The following TRIM23 variants were observed in gnomAD, a reference collection of about 807,000 sequenced individuals.
TRIM23 encodes the protein tripartite motif containing 23.
A neutral mutation model predicts 71.0 loss-of-function variants in TRIM23; 27 were observed. That is an observed-to-expected ratio of 0.38 (90% CI 0.28 to 0.52). The LOEUF (loss-of-function observed/expected upper bound fraction) is 0.52, where lower values mean the gene tolerates loss of function less well. TRIM23 is among the 20% of genes least tolerant of loss of function. TRIM23 has a pLI of 0.84. For synonymous variants in TRIM23, 234 were observed against 238.0 expected (o/e 0.98, Z 0.16); for missense variants, 482 against 692.3 (o/e 0.70, Z 3.41).
rs1754633549 is a variant in TRIM23 at position 65,610,923 on chromosome 5, G to C, written c.766C>G (p.Gln256Glu). ...ATTTGTTCTCCTCCTTCAATGTGCT[G>C]CACAATTCCAACTAATTTTCTGGAA... is the stretch of plus-strand genomic sequence containing the variant. ...DYSRKLVGIVQHIEGGEQIVE... is the reference protein window; with the variant it reads ...DYSRKLVGIVEHIEGGEQIVE... The change falls in exon 5 of 11, where the codon CAG becomes GAG. Residue 256 changes from glutamine (Q) to glutamate (E), a missense_variant. This residue lies in a region of TRIM23 where 307 missense variants were observed against 495.8 expected (regional missense o/e 0.62). Transcript: ENST00000231524. The C allele has an allele frequency of 6.2e-7, 1 of 1,613,660 alleles. No homozygotes were observed. The highest frequency in any genetic ancestry group is 8.5e-7 in the Non-Finnish European group (1 of 1,179,800).
intron 2 of TRIM23, among the ~76,000 whole-genome samples, chr5:65,614,734 CAAA>C (rs761305985): frequency 2.5e-5 from 2 of 78,650 alleles, no homozygotes; most frequent in Non-Finnish European, 5.2e-5. Flanking sequence ...GACTCTATCT[CAAA>C]AAAAAAAAAA....
intron 5 of TRIM23, among the ~76,000 whole-genome samples, chr5:65,609,762 T>C (rs560431933): frequency 6.6e-6 from 1 of 152,120 alleles, no homozygotes; most frequent in Non-Finnish European, 1.5e-5. Flanking sequence ...AAAATATAAA[T>C]CTCCATGCTA....
chr5:65,617,403 G>GA (rs574440562), intron 2 of TRIM23, among the ~76,000 whole-genome samples: 3 of 151,614 alleles, frequency 2.0e-5, no homozygotes, highest in Non-Finnish European at 4.4e-5. Flanking sequence ...AACTGACCTG[G>GA]AAAAAAAATG....
At chr5:65,615,007 C>T (rs1754744774) in intron 2 of TRIM23, among the ~76,000 whole-genome samples, 1 of 151,990 alleles carries the variant, frequency 6.6e-6, no homozygotes, top group Admixed American at 6.6e-5. Context: ...AAGTGATCCT[C>T]GTGCCCCAGC....
At position 65,609,386 on chromosome 5, in the gene TRIM23, G is replaced by A. The variant is rs1484856672; in HGVS notation, c.901C>T (p.Arg301Cys). Reference sequence around the variant, plus strand: ...ACACTTAGAGCCATTTCTTCTTGACGACACAGAGTTTCATGTAGATCATAA... The same window carrying A: ...ACACTTAGAGCCATTTCTTCTTGACAACACAGAGTTTCATGTAGATCATAA... ...YFYDLHETLCRQEEMALSVVD... is the reference protein window; with the variant it reads ...YFYDLHETLCCQEEMALSVVD... Residue 301 changes from arginine to cysteine, a missense_variant, in exon 6 of 11, where the codon CGT becomes TGT. Coordinates refer to ENST00000231524, the MANE Select transcript of TRIM23 (RefSeq NM_001656.4). 4 of 1,613,964 alleles carry A rather than the reference G, an allele frequency of 2.5e-6. No homozygotes were observed. Among genetic ancestry groups the A allele is most frequent in the Non-Finnish European group, 3.4e-6 (4 of 1,180,034 alleles).
intron 2 of TRIM23, among the ~76,000 whole-genome samples, chr5:65,616,590 T>C (rs546773407): frequency 2.1e-4 from 30 of 140,438 alleles, no homozygotes; most frequent in Admixed American, 3.8e-4. Context: ...TGCAGTGAGC[T>C]GAGATCGCGC....
intron 1 of TRIM23, 69 bp from the exon 2 acceptor site, chr5:65,618,324 G>A (rs1330701912): frequency 7.0e-7 from 1 of 1,421,512 alleles, no homozygotes; most frequent in Non-Finnish European, 9.3e-7. Context: ...AGGTATATAA[G>A]AAAATTCACC....
chr5:65,602,737 ATGG>A (rs936970033), intron 7 of TRIM23, among the ~76,000 whole-genome samples: 16 of 152,308 alleles, frequency 1.1e-4, no homozygotes, highest in African/African-American at 3.8e-4. Flanking sequence ...TACTTCTTAC[ATGG>A]TGGTGGCAAG....
At chr5:65,603,976 G>A (rs1277140547) in intron 7 of TRIM23, among the ~76,000 whole-genome samples, 1 of 143,772 alleles carries the variant, frequency 7.0e-6, no homozygotes, top group Non-Finnish European at 1.5e-5. Flanking sequence ...TTTTTTTTAA[G>A]TGACGGGAAT....
intron 6 of TRIM23, among the ~76,000 whole-genome samples, chr5:65,606,458 C>T (rs1443048673): frequency 2.9e-5 from 4 of 139,058 alleles, no homozygotes; most frequent in Non-Finnish European, 3.1e-5. Context: ...CCACTCCTCC[C>T]GCCCCCGGCC....
At chr5:65,596,984 A>G (rs1479298515) in intron 8 of TRIM23, 67 bp downstream of exon 8, 3 of 1,579,546 alleles carry the variant, frequency 1.9e-6, no homozygotes, top group Non-Finnish European at 2.6e-6. Flanking sequence ...GTATCAAATA[A>G]GACCCCAAGA....
At chr5:65,611,116 CT>C in intron 4 of TRIM23, 73 bp from the exon 5 acceptor site, 1 of 1,322,674 alleles carries the variant, frequency 7.6e-7, no homozygotes, top group Non-Finnish European at 1.0e-6. Flanking sequence ...ATTTAAATCC[CT>C]ATTAATACAA....
chr5:65,599,381 A>AG (rs1255751679), intron 7 of TRIM23, among the ~76,000 whole-genome samples: 1 of 152,228 alleles, frequency 6.6e-6, no homozygotes, highest in African/African-American at 2.4e-5. Flanking sequence ...GAACATGTAC[A>AG]GAAAAAAAAG....
chr5:65,611,090 A>C (rs1191559819), intron 4 of TRIM23, 47 bp from the exon 5 acceptor site: 1 of 1,477,526 alleles, frequency 6.8e-7, no homozygotes, highest in African/African-American at 1.5e-5. Context: ...AGTATTGACT[A>C]ATAATATAAA....
chr5:65,602,445 A>G (rs1050095283), intron 7 of TRIM23, among the ~76,000 whole-genome samples: 4 of 152,208 alleles, frequency 2.6e-5, no homozygotes, highest in Non-Finnish European at 5.9e-5. Flanking sequence ...AAGTCATTCA[A>G]CGAGTCTCTA....
intron 2 of TRIM23, 123 bp from the exon 3 acceptor site, chr5:65,614,342 AT>A (rs1443047322): frequency 4.4e-6 from 4 of 915,488 alleles, no homozygotes; most frequent in Non-Finnish European, 6.5e-6. Context: ...TAAAATTCAA[AT>A]TTTCCCCATT....
At chr5:65,616,208 C>A (rs1199188609) in intron 2 of TRIM23, among the ~76,000 whole-genome samples, 1 of 152,118 alleles carries the variant, frequency 6.6e-6, no homozygotes, top group Non-Finnish European at 1.5e-5. Flanking sequence ...GAGAGAAATT[C>A]TGATTCAGGA....
Position 65,591,772 on chromosome 5 carries a change from A to T in TRIM23, c.1722T>A (p.Ala574=). 6.2e-7 allele frequency: 1 copy of T among 1,604,942 alleles called. No individual in the cohort carries two copies. Among genetic ancestry groups the T allele is most frequent in the Non-Finnish European group, 8.5e-7 (1 of 1,174,618 alleles). The part of the protein sequence containing the change: ...QLVAAGVLDV[A] The stretch of plus-strand genomic sequence containing the variant: ...CAAACAACTGCTGCCTTTAAAATCA[A>T]GCAACATCCAATACTCCAGCAGCTA... Residue 574 remains alanine (A), a synonymous_variant, in exon 11 of 11, where the codon GCT becomes GCA. Transcript: ENST00000231524.
At chr5:65,596,146 A>G (rs571340698) in intron 9 of TRIM23, among the ~76,000 whole-genome samples, 1 of 152,264 alleles carries the variant, frequency 6.6e-6, no homozygotes, top group Middle Eastern at 3.4e-3. Context: ...GGTAATATAC[A>G]CTCTCTGTTA....
Sources: gnomAD v4.1 joint callset for allele counts (sites outside exome capture counted in the v4.1 genomes callset) on GRCh38, gnomAD v4.1.1 for gene constraint, gnomAD v4.1.1 regional missense constraint, MANE v1.5 for transcripts, NCBI Gene and HGNC (gene_info 2026-07-23, HGNC 2026-07-21) for gene names.